TEAD2: variants seen among roughly 807,000 people sequenced by gnomAD.
TEAD2 encodes the protein TEA domain transcription factor 2, also known as transcriptional enhancer factor TEF-4.
In TEAD2, 51 loss-of-function variants were observed where a neutral mutation model predicts 61.4. The observed-to-expected ratio is 0.83, with a 90% confidence interval of 0.66 to 1.05. The LOEUF (loss-of-function observed/expected upper bound fraction) is 1.05. Ranked by LOEUF, TEAD2 falls within the 50% of genes least tolerant of loss-of-function variation. TEAD2 has a pLI of 0.00. For missense variants in TEAD2, 509 were observed against 600.0 expected (o/e 0.85, Z 1.58); for synonymous variants, 244 against 243.2 (o/e 1.00, Z -0.03).
rs1280048633 is a variant in TEAD2 at position 49,347,239 on chromosome 19, T to C, written c.872A>G (p.Glu291Gly). 6.2e-7 allele frequency: 1 copy of C among 1,614,062 alleles called. No individual in the cohort carries two copies. The highest frequency in any genetic ancestry group is 8.5e-7 in the Non-Finnish European group (1 of 1,179,998). The part of the protein sequence containing the change: ...KFPEKKGGLR[E>G]LYDRGPPHAF... The stretch of plus-strand genomic sequence containing the variant: ...ATGGGGGGGGCCACGATCATATAGC[T>C]CTCGGAGGCCACCCTTTTTCTCAGG... Residue 291 changes from glutamate (E) to glycine (G), a missense_variant, in exon 10 of 13, where the codon GAG (glutamate) becomes GGG (glycine). Coordinates refer to ENST00000593945, the MANE Select transcript of TEAD2 (RefSeq NM_001256660.2).
intron 10 of TEAD2, among the ~76,000 whole-genome samples, chr19:49,343,738 TAA>T (rs749162402): frequency 2.9e-5 from 4 of 137,522 alleles, no homozygotes; most frequent in African/African-American, 2.7e-5. Context: ...AACTCCATCT[TAA>T]AAAAAAAAAA....
At chr19:49,357,106 C>T in intron 4 of TEAD2, 146 bp downstream of exon 4, 1 of 568,168 alleles carries the variant, frequency 1.8e-6, no homozygotes, top group Admixed American at 2.5e-5. Flanking sequence ...CTCCCTGGGT[C>T]TCTGTCCCTT....
intron 7 of TEAD2, among the ~76,000 whole-genome samples, chr19:49,354,834 C>T (rs962225670): frequency 1.3e-4 from 20 of 151,932 alleles, no homozygotes; most frequent in African/African-American, 4.6e-4. Context: ...CCCATCTCTA[C>T]TAAAAATACA....
chr19:49,356,337 G>C (rs1350090384), intron 4 of TEAD2: 1 of 138,404 alleles, frequency 7.2e-6, no homozygotes, highest in African/African-American at 2.8e-5. Flanking sequence ...GAAGGGAAGG[G>C]TTTCAGACCT....
intron 4 of TEAD2, among the ~76,000 whole-genome samples, chr19:49,356,650 G>A (rs73590122): frequency 3.3e-5 from 5 of 152,062 alleles, no homozygotes; most frequent in Non-Finnish European, 7.4e-5. Flanking sequence ...CAGCACAAGA[G>A]GGGGAAGATA....
Position 49,359,941 on chromosome 19 carries a change from CCA to C in TEAD2, c.133_134del (p.Trp45GlufsTer5). On this transcript the variant is annotated frameshift_variant, in exon 2 of 13. Transcript: ENST00000593945. LOFTEE classifies it high-confidence loss of function. The surrounding 1 kb of genome is among the most constrained non-coding windows in gnomAD (Gnocchi z 4.1). The part of the protein sequence containing the change: ...GDGGPDAEGV[W>X]SPDIEQSFQE... ...GGAAGCTCTGCTCAATGTCTGGGCT[CCA>C]CACCCCCTCTGCATCCGGGCCCCCG... The C allele has an allele frequency of 6.2e-7, 1 of 1,612,368 alleles. No homozygotes were observed. Among genetic ancestry groups the C allele is most frequent in the Non-Finnish European group, 8.5e-7 (1 of 1,180,016 alleles).
At chr19:49,355,111 G>C in intron 7 of TEAD2, 37 bp downstream of exon 7, 5 of 1,563,748 alleles carry the variant, frequency 3.2e-6, no homozygotes, top group Non-Finnish European at 8.7e-7. Context: ...GTGTGAGGGT[G>C]GGGGGCAGGT....
chr19:49,347,097 G>GT (rs1182516756), intron 10 of TEAD2, 93 bp downstream of exon 10: 14 of 1,514,062 alleles, frequency 9.2e-6, no homozygotes, highest in Admixed American at 3.5e-5. Context: ...GGCTGACCTG[G>GT]TAGGGCCCGC....
chr19:49,351,558 G>A (rs187671483), intron 7 of TEAD2, among the ~76,000 whole-genome samples, 193 bp from the exon 8 acceptor site: 28 of 152,268 alleles, frequency 1.8e-4, no homozygotes, highest in African/African-American at 6.7e-4. Context: ...GAGGTATAGA[G>A]GGGTCAACTG....
chr19:49,352,145 G>A (rs764563701), intron 7 of TEAD2, among the ~76,000 whole-genome samples: 1 of 151,962 alleles, frequency 6.6e-6, no homozygotes, highest in Non-Finnish European at 1.5e-5. Context: ...CCAAAGTCGG[G>A]GTGGGGAGGC....
At chr19:49,342,367 A>T in intron 12 of TEAD2, 71 bp downstream of exon 12, 1 of 1,561,968 alleles carries the variant, frequency 6.4e-7, no homozygotes, top group Non-Finnish European at 8.8e-7. Context: ...GATCCCCTAG[A>T]CTGAGGGTCT....
intron 9 of TEAD2, among the ~76,000 whole-genome samples, chr19:49,348,404 G>C (rs1971786371): frequency 6.6e-6 from 1 of 152,116 alleles, no homozygotes; most frequent in African/African-American, 2.4e-5. Flanking sequence ...TGATGTCCTG[G>C]GGAGCTTTTC....
chr19:49,345,900 C>A (rs1600713609), intron 10 of TEAD2, among the ~76,000 whole-genome samples: 1 of 152,076 alleles, frequency 6.6e-6, no homozygotes, highest in South Asian at 2.1e-4. Flanking sequence ...TGCAGTGGCT[C>A]ATGCCTGTAA....
chr19:49,346,814 T>TC (rs1324472005), intron 10 of TEAD2, among the ~76,000 whole-genome samples: 1 of 151,988 alleles, frequency 6.6e-6, no homozygotes, highest in Non-Finnish European at 1.5e-5. Context: ...TCTCCACAAG[T>TC]CCACTGGCTA....
chr19:49,351,529 T>G (rs964688383), intron 7 of TEAD2, among the ~76,000 whole-genome samples, 164 bp from the exon 8 acceptor site: 1 of 152,178 alleles, frequency 6.6e-6, no homozygotes, highest in African/African-American at 2.4e-5. Flanking sequence ...CTCTTTTCAT[T>G]GCACAAATGA....
chr19:49,355,181 G>T lies in TEAD2; in HGVS notation c.506C>A (p.Ser169Tyr). Residue 169 changes from serine to tyrosine, a missense_variant, in exon 7 of 13, where the codon TCT (serine) becomes TAT (tyrosine). Physicochemically the swap from Ser to Tyr is moderately radical, Grantham distance 144. Coordinates refer to ENST00000593945, the MANE Select transcript of TEAD2 (RefSeq NM_001256660.2). ...PQASELFQFW[S>Y]GGSGPPWNVP... is the part of the protein sequence containing the mutation. Reference sequence around the variant, plus strand: ...ATTCCAGGGGGGCCCAGATCCTCCAGACCAAAACTGGAAAAGCTCAGAGGC... The same window carrying T: ...ATTCCAGGGGGGCCCAGATCCTCCATACCAAAACTGGAAAAGCTCAGAGGC... 1.9e-6 allele frequency: 3 copies of T among 1,612,316 alleles called. No individual in the cohort carries two copies. Among genetic ancestry groups the T allele is most frequent in the Non-Finnish European group, 2.5e-6 (3 of 1,179,122 alleles).
At chr19:49,357,563 A>T (rs1972491600) in intron 3 of TEAD2, 9 of 569,276 alleles carry the variant, frequency 1.6e-5, no homozygotes, top group Non-Finnish European at 2.2e-5. Context: ...CTCTGTGGCT[A>T]CTCTGGGTCT....
intron 8 of TEAD2, among the ~76,000 whole-genome samples, chr19:49,350,371 G>A (rs1971935493): frequency 6.6e-6 from 1 of 152,024 alleles, no homozygotes; most frequent in South Asian, 2.1e-4. Context: ...CCAGTCTGGA[G>A]TGCAACGGTG....
At chr19:49,353,009 C>T (rs1277774608) in intron 7 of TEAD2, among the ~76,000 whole-genome samples, 2 of 152,160 alleles carry the variant, frequency 1.3e-5, no homozygotes, top group African/African-American at 4.8e-5. Flanking sequence ...CTGGACTGGC[C>T]TCCTCTAGAT....
Sources: allele counts gnomAD v4.1 joint callset (sites outside exome capture counted in the v4.1 genomes callset), GRCh38; gene constraint gnomAD v4.1.1; non-coding constraint Gnocchi (gnomAD v3.1); transcripts MANE v1.5; gene names NCBI Gene and HGNC (gene_info 2026-07-23, HGNC 2026-07-21).